Variants in MDGA1 observed in about 807,000 individuals in gnomAD.
The protein encoded by MDGA1 is MAM domain containing glycosylphosphatidylinositol anchor 1.
Under a neutral mutation model 101.5 loss-of-function variants are expected in MDGA1, and 54 were observed. The observed-to-expected ratio is 0.53, with a 90% confidence interval of 0.43 to 0.67. The LOEUF is 0.67. Among genes scored for constraint, MDGA1 ranks in the 30% least tolerant of loss-of-function variants. The pLI is 0.00. For synonymous variants in MDGA1, 533 were observed against 558.3 expected (o/e 0.95, Z 0.64); for missense variants, 1,083 against 1,323.8 (o/e 0.82, Z 2.82).
chr6:37,649,358 G>A (rs1761303268), intron 8 of MDGA1, 92 bp from the exon 9 acceptor site: 1 of 1,392,764 alleles, frequency 7.2e-7, no homozygotes. Context: ...CGCCTCTAAT[G>A]CCGTGAGCCC....
chr6:37,696,747 T>C lies in MDGA1; in HGVS notation c.65A>G (p.Tyr22Cys). 6.3e-7 allele frequency: 1 copy of C among 1,581,166 alleles called. No individual in the cohort carries two copies. The highest frequency in any genetic ancestry group is 8.6e-7 in the Non-Finnish European group (1 of 1,162,838). The change falls in exon 1 of 17, where the codon TAC (tyrosine) becomes TGC (cysteine). Residue 22 changes from tyrosine to cysteine, a missense_variant and splice_region_variant. Physicochemically the swap from Tyr to Cys is radical, Grantham distance 194. Around this residue, in one of 3 missense-constraint regions of MDGA1, gnomAD observed 310 missense variants for 355.9 expected, o/e 0.87. Coordinates refer to ENST00000434837, the MANE Select transcript of MDGA1 (RefSeq NM_153487.4). The surrounding 1 kb of genome is among the most constrained non-coding windows in gnomAD (Gnocchi z 5.6). ...IPFHCRGQGV[Y>C]APAQAQIVHA... is the part of the protein sequence containing the mutation. ...TGGAGCGGGACGCGGGCTCTTACCG[T>C]AGACTCCTTGTCCCCGGCAGTGGAA...
rs986474719 is a variant in MDGA1 at position 37,634,760 on chromosome 6, A to T, written c.*2608T>A. 6.6e-6 allele frequency: 1 copy of T among 152,670 alleles called. No homozygotes were observed. Among genetic ancestry groups the T allele is most frequent in the Non-Finnish European group, 1.5e-5 (1 of 68,608 alleles). The allele number at this position is 152,670 out of a possible 1,614,324, so 9.5% of individuals were successfully genotyped here. On this transcript the variant is annotated 3_prime_UTR_variant, in exon 17 of 17. Coordinates refer to ENST00000434837, the MANE Select transcript of MDGA1 (RefSeq NM_153487.4). This position sits in a 1 kb window ranked among gnomAD's most constrained non-coding sequence, Gnocchi z 4.7. ...CTGAGACCTCCAGCAGCATCCCCCCATCCCCCCTCCACCTTGTGCCCTTCG... is the reference window on the plus strand; with the variant it reads ...CTGAGACCTCCAGCAGCATCCCCCCTTCCCCCCTCCACCTTGTGCCCTTCG...
intron 1 of MDGA1, among the ~76,000 whole-genome samples, chr6:37,682,774 G>A (rs1418835269): frequency 6.6e-6 from 1 of 152,184 alleles, no homozygotes; most frequent in Non-Finnish European, 1.5e-5. Flanking sequence ...CACTGCGGGG[G>A]GTTCAATAAA....
intron 16 of MDGA1, chr6:37,637,818 G>A (rs1357647175): frequency 1.9e-6 from 1 of 516,048 alleles, no homozygotes; most frequent in Non-Finnish European, 3.4e-6. Context: ...ATACAAGTTT[G>A]TGTGCCTTGC....
chr6:37,671,227 GA>G (rs745340923), intron 1 of MDGA1, among the ~76,000 whole-genome samples: 2 of 152,194 alleles, frequency 1.3e-5, no homozygotes, highest in African/African-American at 2.4e-5. Context: ...CCCTCTCTGA[GA>G]AAGACTTAGC....
chr6:37,637,249 C>G lies in MDGA1; in HGVS notation c.*119G>C. 1.4e-6 allele frequency: 1 copy of G among 732,640 alleles called. No individual in the cohort carries two copies. The highest frequency in any genetic ancestry group is 2.3e-6 in the Non-Finnish European group (1 of 429,000). 45.4% of individuals were successfully genotyped at this position (732,640 alleles called of 1,614,324 possible). A position where few individuals can be genotyped will look rare whatever the true frequency, so the allele number is the denominator to read the frequency against. On this transcript the variant is annotated 3_prime_UTR_variant, in exon 17 of 17. Transcript: ENST00000434837. ...CATCCTTGCAGCCAATGCAGGCCCCCTCCCTGGCGGGCCGGCCCTGCCCCT... is the reference window on the plus strand; with the variant it reads ...CATCCTTGCAGCCAATGCAGGCCCCGTCCCTGGCGGGCCGGCCCTGCCCCT...
rs1384224561 is a variant in MDGA1, at chr6:37,635,960, ATTGCACACACAGACCTGTGT to A, written c.*1388_*1407del. Reference sequence around the variant, plus strand: ...CCAGTCTCACAGGCAGATATGTGAGATTGCACACACAGACCTGTGTTTGCACACACTCCTGCCCAACAATG... The same window carrying A: ...CCAGTCTCACAGGCAGATATGTGAGATTGCACACACTCCTGCCCAACAATG... On this transcript the variant is annotated 3_prime_UTR_variant, in exon 17 of 17. Transcript: ENST00000434837. 4.1e-5 allele frequency: 16 copies of A among 388,656 alleles called. No individual in the cohort carries two copies. The highest frequency in any genetic ancestry group is 1.9e-4 in the African/African-American group (9 of 48,604). The allele number at this position is 388,656 out of a possible 1,614,324, so 24.1% of individuals were successfully genotyped here.
At position 37,637,336 on chromosome 6, in the gene MDGA1, G is replaced by A. The variant is rs769662095; in HGVS notation, c.*32C>T. 5 of 1,560,550 alleles carry A rather than the reference G, an allele frequency of 3.2e-6. No individual in the cohort carries two copies. In the South Asian group the frequency reaches 4.5e-5, roughly 14 times the overall value. ...ATGTGGACACTTTGGTGTGCCGGGG[G>A]CAAGGTTGGGGGGGTGGCCACACAG... On this transcript the variant is annotated 3_prime_UTR_variant, in exon 17 of 17. Coordinates refer to ENST00000434837, the MANE Select transcript of MDGA1 (RefSeq NM_153487.4).
At chr6:37,642,202 G>A (rs1230383101) in intron 14 of MDGA1, among the ~76,000 whole-genome samples, 9 of 129,994 alleles carry the variant, frequency 6.9e-5, no homozygotes, top group South Asian at 2.4e-4. Context: ...TTTTTGAGAC[G>A]GAGTCTTACT....
In MDGA1 at chr6:37,652,383, A is replaced by G. The variant is rs974629063; in HGVS notation, c.983-43T>C. ...GGGAAGGGTAGTTGGGGTTGGCCTG[A>G]CTCCAGGGGTCCATGTCCCACCCCA... On this transcript the variant is annotated intron_variant, in intron 6 of 16. Transcript: ENST00000434837. The surrounding 1 kb of genome is among the most constrained non-coding windows in gnomAD (Gnocchi z 4.3). 2 of 1,489,158 alleles carry G rather than the reference A, an allele frequency of 1.3e-6. No individual in the cohort carries two copies. Among genetic ancestry groups the G allele is most frequent in the African/African-American group, 1.4e-5 (1 of 72,134 alleles). 92.2% of individuals were successfully genotyped at this position (1,489,158 alleles called of 1,614,324 possible).
intron 1 of MDGA1, among the ~76,000 whole-genome samples, chr6:37,673,013 AAT>A (rs1274466867): frequency 1.4e-5 from 2 of 147,644 alleles, no homozygotes; most frequent in Non-Finnish European, 3.0e-5. Context: ...CTCTGCCAGC[AAT>A]ATATTCAGTG....
intron 7 of MDGA1, 21 bp from the exon 8 acceptor site, chr6:37,650,426 A>G (rs804816): frequency 0.23 from 341,768 of 1,506,680 alleles, 42,386 homozygotes; most frequent in African/African-American, 0.48. Context: ...GATGGTGATC[A>G]GCGGAGAGGT....
intron 1 of MDGA1, among the ~76,000 whole-genome samples, chr6:37,666,763 C>G (rs1256862408): frequency 6.6e-6 from 1 of 152,122 alleles, no homozygotes; most frequent in Non-Finnish European, 1.5e-5. Context: ...TATAGAAGGC[C>G]CTGGGATGTC....
intron 1 of MDGA1, among the ~76,000 whole-genome samples, chr6:37,688,650 A>C (rs966667359): frequency 1.3e-5 from 2 of 152,110 alleles, no homozygotes; most frequent in South Asian, 2.1e-4. Flanking sequence ...CATGCCACCC[A>C]CACCCGGAGC....
rs113894760 is a variant in MDGA1, at chr6:37,638,974, C to T, written c.2537-307G>A. 13 of 299,320 alleles carry T rather than the reference C, an allele frequency of 4.3e-5. No homozygotes were observed. Among genetic ancestry groups the T allele is most frequent in the Middle Eastern group, 1.2e-3 (1 of 860 alleles). The allele number at this position is 299,320 out of a possible 1,614,324, so 18.5% of individuals were successfully genotyped here. On this transcript the variant is annotated intron_variant, in intron 14 of 16. Coordinates refer to ENST00000434837, the MANE Select transcript of MDGA1 (RefSeq NM_153487.4). The surrounding 1 kb of genome is among the most constrained non-coding windows in gnomAD (Gnocchi z 4.8). ...CACACACATGCACACACACCCTACC[C>T]TTCCCCTCTAGGCAAGGGAGCTGTC...
At chr6:37,654,977 C>G in intron 4 of MDGA1, 45 bp from the exon 5 acceptor site, 1 of 1,605,428 alleles carries the variant, frequency 6.2e-7, no homozygotes, top group Non-Finnish European at 8.5e-7. Context: ...GCTTGAGTCT[C>G]CAGGGATCCC....
At position 37,650,369 on chromosome 6, in the gene MDGA1, A is replaced by T. The variant is rs552178539; in HGVS notation, c.1349T>A (p.Val450Glu). ...AGGCGATCCCTCGCGCACGGTCACC[A>T]CGGCCCTACCCTTGGGCACACTGAT... ...PTISVPKGRA[V>E]VTVREGSPAE... is the part of the protein sequence containing the mutation. The change falls in exon 8 of 17, where the codon GTG (valine) becomes GAG (glutamate). Residue 450 changes from valine (V) to glutamate (E), a missense_variant. Coordinates refer to ENST00000434837, the MANE Select transcript of MDGA1 (RefSeq NM_153487.4). 44 of 1,571,534 alleles carry T rather than the reference A, an allele frequency of 2.8e-5. No individual in the cohort carries two copies. The highest frequency in any genetic ancestry group is 3.8e-5 in the Non-Finnish European group (44 of 1,159,088).
Position 37,635,246 on chromosome 6 carries a change from C to T in MDGA1, c.*2122G>A, listed in dbSNP as rs1282391960. The T allele has an allele frequency of 2.6e-6, 1 of 390,816 alleles. No individual in the cohort carries two copies. The highest frequency in any genetic ancestry group is 2.1e-5 in the African/African-American group (1 of 48,508). 24.2% of individuals were successfully genotyped at this position (390,816 alleles called of 1,614,324 possible). A position where few individuals can be genotyped will look rare whatever the true frequency, so the allele number is the denominator to read the frequency against. ...AGGCAAGGCCAGGAACCACTGATTA[C>T]AGAATCCATTCCACCGGGCAATGGA... is the stretch of plus-strand genomic sequence containing the variant. On this transcript the variant is annotated 3_prime_UTR_variant, in exon 17 of 17. Coordinates refer to ENST00000434837, the MANE Select transcript of MDGA1 (RefSeq NM_153487.4).
intron 12 of MDGA1, among the ~76,000 whole-genome samples, chr6:37,645,540 GA>G (rs59116832): frequency 6.6e-6 from 1 of 150,736 alleles, no homozygotes; most frequent in African/African-American, 2.4e-5. Context: ...CATCTCAAAA[GA>G]AAAAAAAAGA....
Sources: allele counts gnomAD v4.1 joint callset (sites outside exome capture counted in the v4.1 genomes callset), GRCh38; gene constraint gnomAD v4.1.1; regional missense constraint gnomAD v4.1.1; non-coding constraint Gnocchi (gnomAD v3.1); transcripts MANE v1.5; gene names NCBI Gene and HGNC (gene_info 2026-07-23, HGNC 2026-07-21).